NELL1: variants seen among roughly 807,000 people sequenced by gnomAD.
NELL1 encodes protein kinase C-binding protein NELL1.
Under a neutral mutation model 107.4 loss-of-function variants are expected in NELL1, and 76 were observed. The observed-to-expected ratio is 0.71, with a 90% CI of 0.59 to 0.86. NELL1 has a LOEUF of 0.86. NELL1 is among the 40% of genes least tolerant of loss of function. NELL1 has a pLI of 0.00. For missense variants in NELL1, 1,024 were observed against 1,005.5 expected (o/e 1.02, Z -0.25); for synonymous variants, 353 against 341.2 (o/e 1.03, Z -0.38).
At chr11:20,861,158 C>T (rs1848971074) in intron 4 of NELL1, among the ~76,000 whole-genome samples, 2 of 152,132 alleles carry the variant, frequency 1.3e-5, no homozygotes, top group African/African-American at 4.8e-5. Flanking sequence ...ATATACAATA[C>T]CCATTGCCCT....
intron 12 of NELL1, among the ~76,000 whole-genome samples, chr11:20,982,479 AT>A: frequency 6.6e-6 from 1 of 152,322 alleles, no homozygotes; most frequent in African/African-American, 2.4e-5. Context: ...ATTTGCTGCT[AT>A]CTGGCTATGT....
intron 12 of NELL1, among the ~76,000 whole-genome samples, chr11:20,980,208 G>A (rs1365307306): frequency 1.3e-5 from 2 of 152,164 alleles, no homozygotes; most frequent in Non-Finnish European, 2.9e-5. Flanking sequence ...GAGGAAGGAG[G>A]TTAACGTTTC....
At chr11:21,199,883 G>A (rs1363677303) in intron 13 of NELL1, among the ~76,000 whole-genome samples, 1 of 151,066 alleles carries the variant, frequency 6.6e-6, no homozygotes, top group Non-Finnish European at 1.5e-5. Context: ...GCTTATGAGT[G>A]AGAACATGCG....
chr11:20,777,457 TG>T (rs1473233571), intron 2 of NELL1, among the ~76,000 whole-genome samples: 1 of 152,244 alleles, frequency 6.6e-6, no homozygotes, highest in Non-Finnish European at 1.5e-5. Flanking sequence ...TAGTGACTTC[TG>T]TTTTTTTGAA....
intron 15 of NELL1, among the ~76,000 whole-genome samples, chr11:21,483,481 T>G (rs563255724): frequency 6.6e-6 from 1 of 152,130 alleles, no homozygotes; most frequent in Non-Finnish European, 1.5e-5. Flanking sequence ...CCAAATCCAA[T>G]GATTTTAATA....
At chr11:21,491,656 G>A (rs1272770712) in intron 15 of NELL1, among the ~76,000 whole-genome samples, 2 of 152,060 alleles carry the variant, frequency 1.3e-5, no homozygotes, top group African/African-American at 2.4e-5. Context: ...TGTTCTTTTG[G>A]CTTAGGATTG....
intron 12 of NELL1, among the ~76,000 whole-genome samples, chr11:21,079,089 A>C (rs1207747498): frequency 6.6e-6 from 1 of 151,944 alleles, no homozygotes; most frequent in Non-Finnish European, 1.5e-5. Context: ...TTCTGAACAG[A>C]AAGAATGCAG....
chr11:20,918,364 T>C (rs920698740), intron 6 of NELL1, 110 bp downstream of exon 6: 1 of 671,406 alleles, frequency 1.5e-6, no homozygotes, highest in South Asian at 1.8e-5. Flanking sequence ...ACTTCTGAGG[T>C]GCTGGAGATA....
chr11:21,140,869 A>G (rs906474272), intron 13 of NELL1, among the ~76,000 whole-genome samples: 9 of 152,206 alleles, frequency 5.9e-5, no homozygotes, highest in African/African-American at 2.2e-4. Flanking sequence ...GAAGTTAGTG[A>G]CAGTACTGGG....
chr11:21,024,152 G>A (rs1332287785), intron 12 of NELL1, among the ~76,000 whole-genome samples: 2 of 152,016 alleles, frequency 1.3e-5, no homozygotes, highest in African/African-American at 4.8e-5. Flanking sequence ...GGAAACACCA[G>A]GTCATTCAGA....
chr11:21,473,719 A>T (rs1854243492), intron 15 of NELL1, among the ~76,000 whole-genome samples: 1 of 152,062 alleles, frequency 6.6e-6, no homozygotes, highest in African/African-American at 2.4e-5. Context: ...CGATCAGTTC[A>T]GTTTTTTGGA....
intron 14 of NELL1, among the ~76,000 whole-genome samples, chr11:21,321,556 T>C (rs1006521463): frequency 4.6e-5 from 7 of 152,210 alleles, no homozygotes; most frequent in African/African-American, 1.7e-4. Context: ...GGAGAGAGCT[T>C]ATTATAATAA....
chr11:21,542,726 A>T (rs946628713), intron 16 of NELL1, among the ~76,000 whole-genome samples: 6 of 152,104 alleles, frequency 3.9e-5, no homozygotes, highest in Non-Finnish European at 5.9e-5. Flanking sequence ...AATGATCGGC[A>T]GATTTTTAAA....
intron 9 of NELL1, among the ~76,000 whole-genome samples, chr11:20,933,946 T>C (rs1348050332): frequency 6.6e-6 from 1 of 152,226 alleles, no homozygotes; most frequent in Non-Finnish European, 1.5e-5. Flanking sequence ...GTTTGGGCAC[T>C]GTGAAATATT....
chr11:21,026,592 TG>T (rs1312000910), intron 12 of NELL1, among the ~76,000 whole-genome samples: 14 of 152,204 alleles, frequency 9.2e-5, no homozygotes, highest in Non-Finnish European at 1.9e-4. Context: ...CAGGGATTTT[TG>T]CCTGTTGCGT....
chr11:20,842,675 T>C (rs1034248233), intron 3 of NELL1, among the ~76,000 whole-genome samples: 2 of 152,202 alleles, frequency 1.3e-5, no homozygotes, highest in African/African-American at 4.8e-5. Context: ...TTATTTAATC[T>C]TTCTGTACTT....
At chr11:21,375,103 T>C (rs1851443797) in intron 15 of NELL1, among the ~76,000 whole-genome samples, 1 of 152,118 alleles carries the variant, frequency 6.6e-6, no homozygotes, top group African/African-American at 2.4e-5. Context: ...CTCACCTGTG[T>C]ATACTGCATG....
At chr11:20,709,116 G>C (rs1855048297) in intron 2 of NELL1, among the ~76,000 whole-genome samples, 1 of 151,976 alleles carries the variant, frequency 6.6e-6, no homozygotes, top group African/African-American at 2.4e-5. Flanking sequence ...AGGGGTTGGG[G>C]ACCCCTTGTC....
chr11:21,342,063 TC>T (rs1388232119), intron 14 of NELL1, among the ~76,000 whole-genome samples: 1 of 152,182 alleles, frequency 6.6e-6, no homozygotes, highest in Non-Finnish European at 1.5e-5. Context: ...GACTGTAACT[TC>T]TGTAATACCA....
Sources: allele counts gnomAD v4.1 joint callset (sites outside exome capture counted in the v4.1 genomes callset), GRCh38; gene constraint gnomAD v4.1.1; transcripts MANE v1.5; gene names NCBI Gene and HGNC (gene_info 2026-07-23, HGNC 2026-07-21).